TP73: variants seen among roughly 807,000 people sequenced by gnomAD.
TP73 encodes the protein p53-like transcription factor.
A neutral mutation model predicts 62.5 loss-of-function variants in TP73; 25 were observed. The observed-to-expected ratio is 0.40, with a 90% CI of 0.29 to 0.56. TP73 has a LOEUF of 0.56. TP73 is among the 20% of genes least tolerant of loss of function. The pLI, the probability that TP73 is intolerant of heterozygous loss-of-function variation, is 0.46. For missense variants in TP73, 754 were observed against 913.3 expected (o/e 0.83, Z 2.25); for synonymous variants, 423 against 377.5 (o/e 1.12, Z -1.40).
At chr1:3,723,528 G>GCC in intron 6 of TP73, 59 bp downstream of exon 6, 1 of 813,880 alleles carries the variant, frequency 1.2e-6, no homozygotes, top group Non-Finnish European at 2.1e-6. Flanking sequence ...GGTCGGGGGA[G>GCC]GGGTCCCCTG....
intron 3 of TP73, among the ~76,000 whole-genome samples, chr1:3,703,591 T>C (rs1459676317): frequency 6.6e-6 from 1 of 152,278 alleles, no homozygotes; most frequent in African/African-American, 2.4e-5. Context: ...CAATGACTAA[T>C]TCCTTGGCAC....
chr1:3,732,633 G>GGTTGGGGGT, intron 13 of TP73, 114 bp from the exon 14 acceptor site: 1 of 922,368 alleles, frequency 1.1e-6, no homozygotes, highest in Non-Finnish European at 1.6e-6. Flanking sequence ...TGCCTACTCT[G>GGTTGGGGGT]GTTGGGGGTG....
chr1:3,701,148 C>T lies in TP73; in HGVS notation c.187-6401C>T, dbSNP rs1046680465. The stretch of plus-strand genomic sequence containing the variant: ...AACCAAGAGTTTCTGAGCGTCCTGT[C>T]GGTACTGGCTATCTGGACACCTCGG... On this transcript the variant is annotated intron_variant, in intron 3 of 13. Transcript: ENST00000378295. The surrounding 1 kb of genome is among the most constrained non-coding windows in gnomAD (Gnocchi z 4.7). Among the ~76,000 whole-genome samples, 34 of 152,186 alleles carry T rather than the reference C, an allele frequency of 2.2e-4. 1 individual carries two copies. Among genetic ancestry groups the T allele is most frequent in the African/African-American group, 7.0e-4 (29 of 41,452 alleles).
At chr1:3,692,236 G>A (rs1285378377) in intron 3 of TP73, among the ~76,000 whole-genome samples, 3 of 152,162 alleles carry the variant, frequency 2.0e-5, no homozygotes, top group Non-Finnish European at 2.9e-5. Context: ...TGTGCCTGTA[G>A]CTGTGTGTTC....
chr1:3,715,826 C>A (rs979246338), intron 4 of TP73, among the ~76,000 whole-genome samples: 6 of 152,230 alleles, frequency 3.9e-5, no homozygotes, highest in African/African-American at 1.2e-4. Flanking sequence ...GCCACCAAGT[C>A]TATCCTGGGC....
intron 1 of TP73, among the ~76,000 whole-genome samples, chr1:3,665,470 C>G (rs899513636): frequency 6.6e-6 from 1 of 152,166 alleles, no homozygotes; most frequent in African/African-American, 2.4e-5. Flanking sequence ...GCTGGTCAGT[C>G]TGGTCTTTGA....
At chr1:3,727,334 G>A in intron 7 of TP73, 110 bp downstream of exon 7, 1 of 1,154,320 alleles carries the variant, frequency 8.7e-7, no homozygotes, top group South Asian at 1.5e-5. Context: ...TTGGGGAAGA[G>A]ACTTTGGGGT....
chr1:3,696,498 A>G lies in TP73; in HGVS notation c.187-11051A>G, dbSNP rs893624814. Reference sequence around the variant, plus strand: ...GGGATCTGCACGGAGGCAGGGAGAGACAGCGGCTGGAGCTGAGCACTGGGC... The same window carrying G: ...GGGATCTGCACGGAGGCAGGGAGAGGCAGCGGCTGGAGCTGAGCACTGGGC... On this transcript the variant is annotated intron_variant, in intron 3 of 13. Transcript: ENST00000378295. This position sits in a 1 kb window ranked among gnomAD's most constrained non-coding sequence, Gnocchi z 4.1. 2.6e-5 allele frequency among the ~76,000 whole-genome samples: 4 copies of G among 151,454 alleles called. No homozygotes were observed. Among genetic ancestry groups the G allele is most frequent in the Non-Finnish European group, 5.9e-5 (4 of 67,882 alleles).
intron 1 of TP73, among the ~76,000 whole-genome samples, chr1:3,678,061 C>T (rs765960990): frequency 7.9e-5 from 12 of 152,192 alleles, no homozygotes; most frequent in Non-Finnish European, 1.6e-4. Context: ...AATGTATTTG[C>T]ATTTTATGAT....
rs565924904 is a variant in TP73 at position 3,721,638 on chromosome 1, A to G, written c.430-383A>G. Reference sequence around the variant, plus strand: ...TCTTCAAAATGCCGCAGTCAGGGACATGGCTTCCACAGGCCTGGCTCCCAG... The same window carrying G: ...TCTTCAAAATGCCGCAGTCAGGGACGTGGCTTCCACAGGCCTGGCTCCCAG... On this transcript the variant is annotated intron_variant, in intron 4 of 13. Transcript: ENST00000378295. 5.9e-5 allele frequency among the ~76,000 whole-genome samples: 9 copies of G among 152,344 alleles called. No homozygotes were observed. The East Asian group carries it at 1.7e-3, about 29-fold the overall frequency.
At position 3,723,482 on chromosome 1, in the gene TP73, C is replaced by G; in HGVS notation, c.732+13C>G. 5 of 1,593,244 alleles carry G rather than the reference C, an allele frequency of 3.1e-6. No homozygotes were observed. Among genetic ancestry groups the G allele is most frequent in the Non-Finnish European group, 4.3e-6 (5 of 1,164,034 alleles). ...TGAGCCACCACAGGTAGGCCAGGAG[C>G]CAGGCTGTGCCCAGGGCCCTGCAGT... On this transcript the variant is annotated intron_variant, in intron 6 of 13. Transcript: ENST00000378295.
chr1:3,687,170 C>G (rs75929463), intron 3 of TP73, among the ~76,000 whole-genome samples: 3,202 of 152,270 alleles, frequency 0.021, 116 homozygotes, highest in African/African-American at 0.071. Flanking sequence ...TAAAATAGGG[C>G]CCCGTTCTGC....
chr1:3,698,627 C>T lies in TP73; in HGVS notation c.187-8922C>T, dbSNP rs553138316. On this transcript the variant is annotated intron_variant, in intron 3 of 13. Transcript: ENST00000378295. Reference sequence around the variant, plus strand: ...GGTCTGGGGGAGGAGGCGGCGGCACCGTGAGTGGACTCCGGGGCGGTTAGC... The same window carrying T: ...GGTCTGGGGGAGGAGGCGGCGGCACTGTGAGTGGACTCCGGGGCGGTTAGC... Among the ~76,000 whole-genome samples, 6 of 152,192 alleles carry T rather than the reference C, an allele frequency of 3.9e-5. No individual in the cohort carries two copies. The East Asian group carries it at 7.8e-4, about 20-fold the overall frequency.
At chr1:3,685,185 G>A (rs1417674204) in intron 3 of TP73, among the ~76,000 whole-genome samples, 1 of 152,208 alleles carries the variant, frequency 6.6e-6, no homozygotes, top group Non-Finnish European at 1.5e-5. Context: ...CCTGTGTCGG[G>A]AGGAGGACCT....
At chr1:3,719,117 C>T (rs915803631) in intron 4 of TP73, among the ~76,000 whole-genome samples, 1 of 152,026 alleles carries the variant, frequency 6.6e-6, no homozygotes, top group Non-Finnish European at 1.5e-5. Context: ...TGAGCCACCC[C>T]GGCCGGGGTC....
At chr1:3,655,858 G>A (rs973017907) in intron 1 of TP73, among the ~76,000 whole-genome samples, 5 of 152,128 alleles carry the variant, frequency 3.3e-5, no homozygotes, top group Admixed American at 6.5e-5. Context: ...TCTGTGGGTC[G>A]TGCAGAAGGT....
intron 3 of TP73, among the ~76,000 whole-genome samples, chr1:3,688,197 G>T (rs1017233793): frequency 6.6e-6 from 1 of 152,142 alleles, no homozygotes; most frequent in Non-Finnish European, 1.5e-5. Context: ...CTCCCAGAGA[G>T]CCCCCACTCA....
chr1:3,721,770 A>G (rs1424834460), intron 4 of TP73, among the ~76,000 whole-genome samples: 1 of 151,996 alleles, frequency 6.6e-6, no homozygotes, highest in Non-Finnish European at 1.5e-5. Flanking sequence ...ACCGGCACTC[A>G]CACCCCTGCT....
intron 2 of TP73, 136 bp downstream of exon 2, chr1:3,682,566 C>A: frequency 1.2e-6 from 1 of 860,860 alleles, no homozygotes; most frequent in Non-Finnish European, 1.6e-6. Flanking sequence ...GCCCCAGCCA[C>A]CCTCACTGAG....
Sources: allele counts gnomAD v4.1 joint callset (sites outside exome capture counted in the v4.1 genomes callset), GRCh38; gene constraint gnomAD v4.1.1; non-coding constraint Gnocchi (gnomAD v3.1); transcripts MANE v1.5; gene names NCBI Gene and HGNC (gene_info 2026-07-23, HGNC 2026-07-21).